The following NDNF variants were observed in gnomAD, a reference collection of about 807,000 sequenced individuals.
NDNF encodes protein NDNF.
A neutral mutation model predicts 42.0 loss-of-function variants in NDNF; 16 were observed. The ratio of observed to expected loss-of-function variants is 0.38; its 90% CI spans 0.26 to 0.58. The LOEUF is 0.58. Among genes scored for constraint, NDNF ranks in the 20% least tolerant of loss-of-function variants. The pLI is 0.67. For synonymous variants in NDNF, 248 were observed against 251.7 expected (o/e 0.99, Z 0.14); for missense variants, 616 against 666.2 (o/e 0.92, Z 0.83).
At chr4:121,047,980 C>T (rs1313344894) in intron 1 of NDNF, among the ~76,000 whole-genome samples, 1 of 152,202 alleles carries the variant, frequency 6.6e-6, no homozygotes, top group African/African-American at 2.4e-5. Context: ...ATAATCTAAC[C>T]AAGCAAGGAC....
At chr4:121,038,264 A>T (rs1219267159) in intron 3 of NDNF, 3 of 152,180 alleles carry the variant, frequency 2.0e-5, no homozygotes, top group African/African-American at 7.3e-5. Flanking sequence ...CTGAGGCAGG[A>T]TTGCTTAAGC....
At chr4:121,054,929 A>G (rs1481532778) in intron 1 of NDNF, among the ~76,000 whole-genome samples, 1 of 152,128 alleles carries the variant, frequency 6.6e-6, no homozygotes, top group East Asian at 1.9e-4. Flanking sequence ...TCCTGAGCTC[A>G]ACAGATCCTT....
At chr4:121,042,520 T>C (rs887071071) in intron 2 of NDNF, among the ~76,000 whole-genome samples, 1 of 152,228 alleles carries the variant, frequency 6.6e-6, no homozygotes, top group Non-Finnish European at 1.5e-5. Context: ...GATGATTGAA[T>C]TGTTTACTGT....
At chr4:121,039,188 G>GTATA (rs1726945307) in intron 3 of NDNF, among the ~76,000 whole-genome samples, 8 of 66,598 alleles carry the variant, frequency 1.2e-4, no homozygotes, top group African/African-American at 6.1e-4. Flanking sequence ...ATGTGTGTGT[G>GTATA]TGTGTATATA....
At chr4:121,065,116 T>A (rs1434654136) in intron 1 of NDNF, among the ~76,000 whole-genome samples, 1 of 152,184 alleles carries the variant, frequency 6.6e-6, no homozygotes, top group Admixed American at 6.5e-5. Flanking sequence ...ATTATTTTTA[T>A]CTTGCATTAA....
In NDNF at chr4:121,043,992, T is replaced by G. The variant is rs190496231; in HGVS notation, c.188+1658A>C. ...AGAGCAAGTTCCTTCAATGTAATCA[T>G]CCTTTCCTTTTCTGCCTTCACTCCC... On this transcript the variant is annotated intron_variant, in intron 2 of 3. Coordinates refer to ENST00000379692, the MANE Select transcript of NDNF (RefSeq NM_024574.4). Among the ~76,000 whole-genome samples the G allele has an allele frequency of 4.6e-5, 7 of 152,358 alleles. No individual in the cohort carries two copies. The East Asian group carries it at 1.2e-3, about 25-fold the overall frequency.
At chr4:121,057,519 G>A (rs1459629411) in intron 1 of NDNF, among the ~76,000 whole-genome samples, 3 of 152,160 alleles carry the variant, frequency 2.0e-5, no homozygotes, top group Non-Finnish European at 4.4e-5. Flanking sequence ...GTCAGGTCAG[G>A]TGAGGAATAA....
chr4:121,061,703 T>G (rs1341518399), intron 1 of NDNF, among the ~76,000 whole-genome samples: 2 of 152,218 alleles, frequency 1.3e-5, no homozygotes, highest in African/African-American at 4.8e-5. Context: ...TTATTATTTA[T>G]TCGTGTATTT....
intron 1 of NDNF, among the ~76,000 whole-genome samples, chr4:121,052,971 T>C (rs1296633698): frequency 6.6e-6 from 1 of 152,168 alleles, no homozygotes; most frequent in Non-Finnish European, 1.5e-5. Context: ...GAGTGGTCTC[T>C]GGCACATGCT....
At position 121,067,883 on chromosome 4, in the gene NDNF, G is replaced by A. The variant is rs909396594; in HGVS notation, c.-2+4110C>T. 2.6e-5 allele frequency among the ~76,000 whole-genome samples: 4 copies of A among 152,290 alleles called. No homozygotes were observed. The South Asian group carries it at 6.2e-4, about 24-fold the overall frequency. On this transcript the variant is annotated intron_variant, in intron 1 of 3. Transcript: ENST00000379692. ...TACCAGAAGGAAGGGGAAAGGTGTG[G>A]ATATTGCTTCTTTGGGTTGTGTGTT...
intron 1 of NDNF, among the ~76,000 whole-genome samples, chr4:121,059,327 T>C (rs1727359628): frequency 6.6e-6 from 1 of 152,146 alleles, no homozygotes; most frequent in African/African-American, 2.4e-5. Context: ...AACGAATAAA[T>C]GAAAAAGAAC....
chr4:121,036,989 C>G lies in NDNF; in HGVS notation c.982G>C (p.Val328Leu). The change falls in exon 4 of 4, where the codon GTA (valine) becomes CTA (leucine). Residue 328 changes from valine (V) to leucine (L), a missense_variant. Physicochemically the swap from Val to Leu is conservative, Grantham distance 32. Transcript: ENST00000379692. ...TCCTTGGTCCTGGCAAAGGTACCTA[C>G]ATAAGCGGTGCTCATGTTGCTGTTG... is the stretch of plus-strand genomic sequence containing the variant. Reference protein sequence around the residue: ...NINSNMSTAYVGTFARTKEEA... With the variant: ...NINSNMSTAYLGTFARTKEEA... The G allele has an allele frequency of 6.2e-7, 1 of 1,614,034 alleles. No homozygotes were observed.
At position 121,045,817 on chromosome 4, in the gene NDNF, G is replaced by A. The variant is rs778237721; in HGVS notation, c.21C>T (p.Cys7=). MVLLHW[C]LLWLLFPLSS... Reference sequence around the variant, plus strand: ...TGAGTGGAAACAGGAGCCACAGCAGGCACCAGTGGAGCAGCACCATCCTGA... The same window carrying A: ...TGAGTGGAAACAGGAGCCACAGCAGACACCAGTGGAGCAGCACCATCCTGA... Residue 7 remains cysteine (C), a synonymous_variant, in exon 2 of 4, where the codon TGC becomes TGT. Coordinates refer to ENST00000379692, the MANE Select transcript of NDNF (RefSeq NM_024574.4). The A allele has an allele frequency of 9.3e-6, 15 of 1,614,006 alleles. No homozygotes were observed. Among genetic ancestry groups the A allele is most frequent in the Non-Finnish European group, 3.4e-6 (4 of 1,180,014 alleles).
intron 1 of NDNF, among the ~76,000 whole-genome samples, chr4:121,068,992 G>A (rs114740426): frequency 0.026 from 3,947 of 152,150 alleles, 85 homozygotes; most frequent in Middle Eastern, 0.068. Flanking sequence ...AATTGCTATA[G>A]AAATAAATAT....
chr4:121,054,837 C>A (rs1276497727), intron 1 of NDNF, among the ~76,000 whole-genome samples: 1 of 152,080 alleles, frequency 6.6e-6, no homozygotes, highest in Non-Finnish European at 1.5e-5. Context: ...GCCCCCATTG[C>A]CAACTTTTTT....
intron 1 of NDNF, among the ~76,000 whole-genome samples, chr4:121,065,717 TACACACACAC>T (rs147500183): frequency 6.8e-6 from 1 of 147,524 alleles, no homozygotes; most frequent in African/African-American, 2.5e-5. Flanking sequence ...AAGAATGAAA[TACACACACAC>T]ACACACACAC....
intron 1 of NDNF, among the ~76,000 whole-genome samples, 179 bp from the exon 2 acceptor site, chr4:121,046,017 T>G (rs1354825229): frequency 6.6e-6 from 1 of 152,224 alleles, no homozygotes; most frequent in Non-Finnish European, 1.5e-5. Context: ...CTTCAAACAT[T>G]TTCATGATGT....
Position 121,037,363 on chromosome 4 carries a change from G to C in NDNF, c.608C>G (p.Ser203Cys), listed in dbSNP as rs770532994. The C allele has an allele frequency of 6.2e-7, 1 of 1,614,030 alleles. No homozygotes were observed. Among genetic ancestry groups the C allele is most frequent in the Non-Finnish European group, 8.5e-7 (1 of 1,180,030 alleles). The change falls in exon 4 of 4, where the codon TCT (serine) becomes TGT (cysteine). Residue 203 changes from serine (S) to cysteine (C), a missense_variant. Physicochemically the swap from Ser to Cys is moderately radical, Grantham distance 112 (BLOSUM62 -1). Coordinates refer to ENST00000379692, the MANE Select transcript of NDNF (RefSeq NM_024574.4). ...TLAWKPSPTA[S>C]LLKQPIQYCV... The stretch of plus-strand genomic sequence containing the variant: ...GTACTGAATGGGTTGTTTCAGCAAA[G>C]AGGCAGTGGGGCTTGGTTTCCAGGC...
chr4:121,071,320 T>C (rs1727593957), intron 1 of NDNF: 1 of 151,348 alleles, frequency 6.6e-6, no homozygotes, highest in African/African-American at 2.4e-5. Flanking sequence ...CCCAAGGAAG[T>C]TTCTATAACG....
Sources: allele counts gnomAD v4.1 joint callset (sites outside exome capture counted in the v4.1 genomes callset), GRCh38; gene constraint gnomAD v4.1.1; transcripts MANE v1.5; gene names NCBI Gene and HGNC (gene_info 2026-07-23, HGNC 2026-07-21).